Variants in LPP observed in about 807,000 individuals in gnomAD.
LPP encodes lipoma-preferred partner.
A neutral mutation model predicts 60.4 loss-of-function variants in LPP; 38 were observed. That is an observed-to-expected ratio of 0.63 (90% CI 0.49 to 0.83). The LOEUF (loss-of-function observed/expected upper bound fraction) is 0.83, where lower values mean the gene tolerates loss of function less well. Ranked by LOEUF, LPP falls within the 40% of genes least tolerant of loss-of-function variation. The pLI, the probability that LPP is intolerant of heterozygous loss-of-function variation, is 0.00. For synonymous variants in LPP, 328 were observed against 290.8 expected (o/e 1.13, Z -1.30); for missense variants, 902 against 783.6 (o/e 1.15, Z -1.80).
chr3:188,363,508 A>G (rs956010344), intron 3 of LPP, among the ~76,000 whole-genome samples: 16 of 152,312 alleles, frequency 1.1e-4, no homozygotes, highest in Admixed American at 7.8e-4. Context: ...AAGGCAGCTC[A>G]GGTCCCTAGA....
intron 4 of LPP, among the ~76,000 whole-genome samples, chr3:188,459,430 C>T (rs1247982567): frequency 1.3e-5 from 2 of 152,162 alleles, no homozygotes; most frequent in South Asian, 4.1e-4. Flanking sequence ...CTGACAAGAG[C>T]AGCTGAGTTC....
rs955024369 is a variant in LPP at position 188,604,804 on chromosome 3, T to G, written c.430-4357T>G. Among the ~76,000 whole-genome samples the G allele has an allele frequency of 3.3e-5, 5 of 152,020 alleles. No individual in the cohort carries two copies. The South Asian group carries it at 6.2e-4, about 19-fold the overall frequency. On this transcript the variant is annotated intron_variant, in intron 6 of 11. Coordinates refer to ENST00000617246, the MANE Select transcript of LPP (RefSeq NM_001375462.1). ...GAATAAAAAGGACAGTCTCTACTAGTATAGAAGCAGACATATGCACATGTG... is the reference window on the plus strand; with the variant it reads ...GAATAAAAAGGACAGTCTCTACTAGGATAGAAGCAGACATATGCACATGTG...
chr3:188,357,700 C>T (rs1768018766), intron 3 of LPP, among the ~76,000 whole-genome samples: 1 of 152,132 alleles, frequency 6.6e-6, no homozygotes. Context: ...TCTAAAAATA[C>T]AGTTTAAATA....
intron 1 of LPP, among the ~76,000 whole-genome samples, chr3:188,173,404 T>C (rs1473280504): frequency 6.6e-6 from 1 of 152,030 alleles, no homozygotes; most frequent in Non-Finnish European, 1.5e-5. Context: ...CTCAGGAGGC[T>C]GAGGAAGGAA....
At position 188,882,923 on chromosome 3, in the gene LPP, G is replaced by A. The variant is rs1770218200; in HGVS notation, c.*8444G>A. 1 of 182,080 alleles carries A rather than the reference G, an allele frequency of 5.5e-6. No individual in the cohort carries two copies. Among genetic ancestry groups the A allele is most frequent in the African/African-American group, 2.4e-5 (1 of 42,380 alleles). The allele number at this position is 182,080 out of a possible 1,614,324, so 11.3% of individuals were successfully genotyped here. On this transcript the variant is annotated 3_prime_UTR_variant, in exon 12 of 12. Transcript: ENST00000617246. ...CCAGCTAATTTTTTTTGTACTTTTA[G>A]TAGAGACGGGGTTTCACCGTGGTCT...
At chr3:188,839,349 C>T (rs917762357) in intron 9 of LPP, among the ~76,000 whole-genome samples, 13 of 152,230 alleles carry the variant, frequency 8.5e-5, no homozygotes, top group African/African-American at 2.9e-4. Context: ...TCAAGGCCCA[C>T]AGCTCCATTA....
intron 2 of LPP, among the ~76,000 whole-genome samples, chr3:188,225,865 G>A (rs1717544242): frequency 6.6e-6 from 1 of 152,186 alleles, no homozygotes; most frequent in Non-Finnish European, 1.5e-5. Context: ...TGGCATGGAA[G>A]AAAGTGTTCA....
intron 3 of LPP, among the ~76,000 whole-genome samples, chr3:188,364,274 C>G (rs1272874817): frequency 2.0e-5 from 3 of 152,244 alleles, no homozygotes; most frequent in Admixed American, 6.5e-5. Flanking sequence ...TCATACCTGA[C>G]ACAGACTTGC....
intron 3 of LPP, among the ~76,000 whole-genome samples, chr3:188,355,613 C>T (rs1030783376): frequency 1.3e-5 from 2 of 152,026 alleles, no homozygotes; most frequent in Non-Finnish European, 1.5e-5. Context: ...AAAATATATA[C>T]AAGTAATATA....
chr3:188,391,182 C>G (rs146366259), intron 3 of LPP, among the ~76,000 whole-genome samples: 6 of 152,278 alleles, frequency 3.9e-5, no homozygotes, highest in Admixed American at 1.3e-4. Flanking sequence ...GGTTAGAAAA[C>G]AGGGCTGGTG....
At chr3:188,337,765 G>C (rs1419633593) in intron 2 of LPP, among the ~76,000 whole-genome samples, 1 of 152,200 alleles carries the variant, frequency 6.6e-6, no homozygotes, top group Non-Finnish European at 1.5e-5. Context: ...CTCCCAGAGT[G>C]CCGGGACTAC....
At chr3:188,619,063 C>T (rs964274991) in intron 7 of LPP, among the ~76,000 whole-genome samples, 7 of 151,998 alleles carry the variant, frequency 4.6e-5, no homozygotes, top group South Asian at 2.1e-4. Flanking sequence ...TCACTCTTGT[C>T]GCCCAGGCTG....
chr3:188,782,497 A>G (rs1740123862), intron 9 of LPP, among the ~76,000 whole-genome samples: 1 of 152,206 alleles, frequency 6.6e-6, no homozygotes, highest in Admixed American at 6.5e-5. Context: ...GGAATATTAA[A>G]TGAGTTTATG....
intron 4 of LPP, among the ~76,000 whole-genome samples, chr3:188,441,599 CTTTTCT>C (rs1793869786): frequency 1.3e-5 from 1 of 75,056 alleles, no homozygotes; most frequent in Admixed American, 1.3e-4. Flanking sequence ...TTCTTTTTTT[CTTTTCT>C]TTTCTTTTTT....
chr3:188,674,310 A>G (rs562404028), intron 7 of LPP, among the ~76,000 whole-genome samples: 47 of 152,298 alleles, frequency 3.1e-4, no homozygotes, highest in South Asian at 1.0e-3. Flanking sequence ...ATGTTTCCCA[A>G]CTTTGTTTTT....
chr3:188,230,195 C>T (rs1719366360), intron 2 of LPP, among the ~76,000 whole-genome samples: 1 of 151,878 alleles, frequency 6.6e-6, no homozygotes, highest in African/African-American at 2.4e-5. Flanking sequence ...AAGAGATTCT[C>T]TTGCCTCAGC....
At chr3:188,192,414 A>T (rs1292012625) in intron 1 of LPP, among the ~76,000 whole-genome samples, 3 of 152,232 alleles carry the variant, frequency 2.0e-5, no homozygotes, top group African/African-American at 7.2e-5. Flanking sequence ...GCAGGGAAGA[A>T]AGGAGAAAGA....
At chr3:188,304,886 T>C (rs1751025919) in intron 2 of LPP, among the ~76,000 whole-genome samples, 1 of 152,190 alleles carries the variant, frequency 6.6e-6, no homozygotes, top group African/African-American at 2.4e-5. Context: ...GATAGTTAAA[T>C]GTCAGTTGCT....
At chr3:188,302,652 A>G (rs191763849) in intron 2 of LPP, among the ~76,000 whole-genome samples, 203 of 152,338 alleles carry the variant, frequency 1.3e-3, no homozygotes, top group African/African-American at 4.6e-3. Flanking sequence ...CCTCCACAAG[A>G]TGCACCTTAT....
Sources: gnomAD v4.1 joint callset for allele counts (sites outside exome capture counted in the v4.1 genomes callset) on GRCh38, gnomAD v4.1.1 for gene constraint, MANE v1.5 for transcripts, NCBI Gene and HGNC (gene_info 2026-07-23, HGNC 2026-07-21) for gene names.